The following ZNF551 variants were observed in gnomAD, a reference collection of about 807,000 sequenced individuals.
ZNF551 encodes KOX 23 protein (56 AA).
In ZNF551, 5 loss-of-function variants were observed where a neutral mutation model predicts 7.9. The observed-to-expected ratio is 0.63, with a 90% confidence interval of 0.33 to 1.33. The LOEUF (loss-of-function observed/expected upper bound fraction) is 1.33, where lower values mean the gene tolerates loss of function less well. Ranked by LOEUF, ZNF551 falls within the 40% of genes most tolerant of loss-of-function variation. The probability of loss-of-function intolerance (pLI) is 0.05; values close to 1 mark genes in which losing one functional copy is unlikely to be tolerated. For missense variants in ZNF551, 788 were observed against 825.2 expected (o/e 0.95, Z 0.55); for synonymous variants, 287 against 277.3 (o/e 1.03, Z -0.35).
At position 57,681,993 on chromosome 19, in the gene ZNF551, TCCTC is replaced by T; in HGVS notation, c.-170_-167del. On this transcript the variant is annotated 5_prime_UTR_variant, in exon 1 of 3. Coordinates refer to ENST00000282296, the MANE Select transcript of ZNF551 (RefSeq NM_138347.5). ...CGACGGGCCGGAACTTCCGGCGTCC[TCCTC>T]GTGGCGGTCATTTTGGCCTCTGTCC... 1 of 662,244 alleles carries T rather than the reference TCCTC, an allele frequency of 1.5e-6. No individual in the cohort carries two copies. Among genetic ancestry groups the T allele is most frequent in the Non-Finnish European group, 2.5e-6 (1 of 401,304 alleles). 41.0% of individuals were successfully genotyped at this position (662,244 alleles called of 1,614,324 possible).
Position 57,682,021 on chromosome 19 carries a change from C to T in ZNF551, c.-143C>T. The T allele has an allele frequency of 1.2e-6, 1 of 865,196 alleles. No individual in the cohort carries two copies. The highest frequency in any genetic ancestry group is 1.8e-6 in the Non-Finnish European group (1 of 567,704). 53.6% of individuals were successfully genotyped at this position (865,196 alleles called of 1,614,324 possible). On this transcript the variant is annotated 5_prime_UTR_variant, in exon 1 of 3. Coordinates refer to ENST00000282296, the MANE Select transcript of ZNF551 (RefSeq NM_138347.5). Reference sequence around the variant, plus strand: ...TCGTGGCGGTCATTTTGGCCTCTGTCCTGTTTGTCCAGCCCGCCAGTTTCT... The same window carrying T: ...TCGTGGCGGTCATTTTGGCCTCTGTTCTGTTTGTCCAGCCCGCCAGTTTCT...
rs1984553594 is a variant in ZNF551, at chr19:57,686,402, GTC to G, written c.206-76_206-75del. 2.6e-6 allele frequency: 4 copies of G among 1,550,630 alleles called. No homozygotes were observed. In the South Asian group the frequency reaches 4.9e-5, roughly 19 times the overall value. ...ACAGTTCCATGCACTCAGTTCTTGTGTCTCACACATTTTTGTGATACATCTTT... is the reference window on the plus strand; with the variant it reads ...ACAGTTCCATGCACTCAGTTCTTGTGTCACACATTTTTGTGATACATCTTT... On this transcript the variant is annotated intron_variant, in intron 2 of 2. Coordinates refer to ENST00000282296, the MANE Select transcript of ZNF551 (RefSeq NM_138347.5).
Position 57,688,725 on chromosome 19 carries a change from G to T in ZNF551, c.*437G>T. 6.0e-6 allele frequency: 1 copy of T among 166,370 alleles called. No homozygotes were observed. Among genetic ancestry groups the T allele is most frequent in the Admixed American group, 5.7e-5 (1 of 17,670 alleles). 10.3% of individuals were successfully genotyped at this position (166,370 alleles called of 1,614,324 possible). ...TGAGTTGTGCTGTCAGCTTTCTAAG[G>T]ATTACTTTTTTAAGGAACATTGTCG... is the stretch of plus-strand genomic sequence containing the variant. On this transcript the variant is annotated 3_prime_UTR_variant, in exon 3 of 3. Transcript: ENST00000282296.
rs770034180 is a variant in ZNF551 at position 57,686,999 on chromosome 19, CAG to C, written c.727_728del (p.Ser243CysfsTer4). 5.6e-6 allele frequency: 9 copies of C among 1,614,210 alleles called. No individual in the cohort carries two copies. The highest frequency in any genetic ancestry group is 7.6e-6 in the Non-Finnish European group (9 of 1,180,040). ...SSHKHTLVQHQSVCSEGGLYE... is the reference protein window; with the variant it reads ...SSHKHTLVQHXSVCSEGGLYE... ...CCACAAACACACACTTGTTCAGCAT[CAG>C]AGTGTCTGTTCTGAAGGAGGGCTTT... On this transcript the variant is annotated frameshift_variant, in exon 3 of 3. Coordinates refer to ENST00000282296, the MANE Select transcript of ZNF551 (RefSeq NM_138347.5). LOFTEE classifies it low-confidence loss of function (END_TRUNC).
chr19:57,682,487 C>T lies in ZNF551; in HGVS notation c.81+243C>T, dbSNP rs1262967201. 4.6e-5 allele frequency among the ~76,000 whole-genome samples: 7 copies of T among 152,244 alleles called. No individual in the cohort carries two copies. In the South Asian group the frequency reaches 1.0e-3, roughly 23 times the overall value. On this transcript the variant is annotated intron_variant, in intron 1 of 2. Coordinates refer to ENST00000282296, the MANE Select transcript of ZNF551 (RefSeq NM_138347.5). ...GGATTCAGGAGCCTGGGGTCCGTCT[C>T]GGGTCTGCAGGAACATAGAGTGAGG...
Position 57,688,483 on chromosome 19 carries a change from C to A in ZNF551, c.*195C>A. The A allele has an allele frequency of 1.3e-6, 1 of 742,068 alleles. No individual in the cohort carries two copies. The highest frequency in any genetic ancestry group is 2.1e-6 in the Non-Finnish European group (1 of 473,786). The allele number at this position is 742,068 out of a possible 1,614,324, so 46.0% of individuals were successfully genotyped here. On this transcript the variant is annotated 3_prime_UTR_variant, in exon 3 of 3. Transcript: ENST00000282296. ...GCCTATAGCCTGATTTATGTCACTG[C>A]CAATTTCTGAGGCTGAAGCCATTTC...
At chr19:57,684,897 G>A (rs144654001) in intron 1 of ZNF551, among the ~76,000 whole-genome samples, 1 of 152,304 alleles carries the variant, frequency 6.6e-6, no homozygotes, top group East Asian at 1.9e-4. Flanking sequence ...GTAAGCCCGT[G>A]TTAGTTGTGT....
Position 57,687,975 on chromosome 19 carries a change from C to CT in ZNF551, c.1704dup (p.Ser569Ter). ...TATGAATGTAGTGAATGTGGAAAGT[C>CT]TTTTAGCCAAAGTGCTAGCCTCATT... On this transcript the variant is annotated frameshift_variant, in exon 3 of 3. Transcript: ENST00000282296. LOFTEE classifies it low-confidence loss of function (END_TRUNC). 6.2e-7 allele frequency: 1 copy of CT among 1,614,144 alleles called. No homozygotes were observed. Among genetic ancestry groups the CT allele is most frequent in the Non-Finnish European group, 8.5e-7 (1 of 1,180,040 alleles).
chr19:57,688,476 G>A lies in ZNF551; in HGVS notation c.*188G>A, dbSNP rs1376818304. ...TGCCGAGGCCTATAGCCTGATTTATGTCACTGCCAATTTCTGAGGCTGAAG... is the reference window on the plus strand; with the variant it reads ...TGCCGAGGCCTATAGCCTGATTTATATCACTGCCAATTTCTGAGGCTGAAG... On this transcript the variant is annotated 3_prime_UTR_variant, in exon 3 of 3. Transcript: ENST00000282296. 2.6e-6 allele frequency: 2 copies of A among 773,966 alleles called. No individual in the cohort carries two copies. The highest frequency in any genetic ancestry group is 2.0e-6 in the Non-Finnish European group (1 of 501,976). 47.9% of individuals were successfully genotyped at this position (773,966 alleles called of 1,614,324 possible). A position where few individuals can be genotyped will look rare whatever the true frequency, so the allele number is the denominator to read the frequency against.
rs1669783884 is a variant in ZNF551, at chr19:57,688,649, T to C, written c.*361T>C. On this transcript the variant is annotated 3_prime_UTR_variant, in exon 3 of 3. Coordinates refer to ENST00000282296, the MANE Select transcript of ZNF551 (RefSeq NM_138347.5). Reference sequence around the variant, plus strand: ...CCCAAGCATGTAGGGTCTTCATGTCTTTTCTCTGACTTTAGAGTATACACC... The same window carrying C: ...CCCAAGCATGTAGGGTCTTCATGTCCTTTCTCTGACTTTAGAGTATACACC... 1 of 219,926 alleles carries C rather than the reference T, an allele frequency of 4.5e-6. No individual in the cohort carries two copies. Among genetic ancestry groups the C allele is most frequent in the Admixed American group, 5.1e-5 (1 of 19,800 alleles). 13.6% of individuals were successfully genotyped at this position (219,926 alleles called of 1,614,324 possible). A position where few individuals can be genotyped will look rare whatever the true frequency, so the allele number is the denominator to read the frequency against.
intron 1 of ZNF551, among the ~76,000 whole-genome samples, chr19:57,683,757 A>G (rs1358328106): frequency 6.6e-6 from 1 of 152,208 alleles, no homozygotes; most frequent in Admixed American, 6.5e-5. Flanking sequence ...AGGGTCGTAC[A>G]GAGATTATGA....
In ZNF551 at chr19:57,687,793, T is replaced by C; in HGVS notation, c.1518T>C (p.Ser506=). 2 of 1,614,134 alleles carry C rather than the reference T, an allele frequency of 1.2e-6. No individual in the cohort carries two copies. The highest frequency in any genetic ancestry group is 2.7e-5 in the African/African-American group (2 of 75,010). The change falls in exon 3 of 3, where the codon AGT becomes AGC. Residue 506 remains serine, a synonymous_variant. Transcript: ENST00000282296. ...VHTGERPYEC[S]ECGKSFTRKS... ...CTGGAGAAAGACCTTATGAATGCAG[T>C]GAATGTGGAAAATCCTTTACCCGCA...
At position 57,685,514 on chromosome 19, in the gene ZNF551, G is replaced by A. The variant is rs1984528005; in HGVS notation, c.205+129G>A. The A allele has an allele frequency of 2.8e-6, 4 of 1,435,980 alleles. No homozygotes were observed. The African/African-American group carries it at 4.2e-5, about 15-fold the overall frequency. 89.0% of individuals were successfully genotyped at this position (1,435,980 alleles called of 1,614,324 possible). A position where few individuals can be genotyped will look rare whatever the true frequency, so the allele number is the denominator to read the frequency against. On this transcript the variant is annotated intron_variant, in intron 2 of 2. Coordinates refer to ENST00000282296, the MANE Select transcript of ZNF551 (RefSeq NM_138347.5). ...GTCTTCCCCCTGTCAGGATGACTGT[G>A]TACAGATTCATGGTACCTTGTGGCC...
At chr19:57,682,302 A>G (rs1984410801) in intron 1 of ZNF551, 58 bp downstream of exon 1, 2 of 1,514,410 alleles carry the variant, frequency 1.3e-6, no homozygotes, top group South Asian at 1.2e-5. Context: ...CTTAAGGCCC[A>G]GTGAGGGATG....
In ZNF551 at chr19:57,687,191, C is replaced by A. The variant is rs1335661893; in HGVS notation, c.916C>A (p.Pro306Thr). Residue 306 changes from proline (P) to threonine (T), a missense_variant, in exon 3 of 3, where the codon CCT becomes ACT. By Grantham distance (38) the Pro-to-Thr change is conservative (BLOSUM62 -1). Coordinates refer to ENST00000282296, the MANE Select transcript of ZNF551 (RefSeq NM_138347.5). ...LHKIIHTGER[P>T]YECSDREKAF... Reference sequence around the variant, plus strand: ...CAAGATAATTCACACTGGAGAAAGGCCTTATGAATGCAGTGATCGTGAGAA... The same window carrying A: ...CAAGATAATTCACACTGGAGAAAGGACTTATGAATGCAGTGATCGTGAGAA... The A allele has an allele frequency of 2.5e-6, 4 of 1,614,212 alleles. No homozygotes were observed. The highest frequency in any genetic ancestry group is 3.4e-6 in the Non-Finnish European group (4 of 1,180,046).
intron 1 of ZNF551, among the ~76,000 whole-genome samples, chr19:57,683,037 G>A (rs12162232): frequency 0.34 from 51,917 of 152,078 alleles, 9,185 homozygotes; most frequent in Non-Finnish European, 0.39. Flanking sequence ...GTCAGACCCG[G>A]AATGGTTCCC....
chr19:57,690,332 TA>T lies in ZNF551; in HGVS notation c.*2047del, dbSNP rs1984720956. 1 of 152,006 alleles carries T rather than the reference TA, an allele frequency of 6.6e-6. No individual in the cohort carries two copies. The highest frequency in any genetic ancestry group is 2.1e-4 in the South Asian group (1 of 4,822). The allele number at this position is 152,006 out of a possible 1,614,324, so 9.4% of individuals were successfully genotyped here. ...CAGGTTCAACTGATTTCCTTTACAG[TA>T]AATTAGTTTGCATTTTCTGGAGTTT... On this transcript the variant is annotated 3_prime_UTR_variant, in exon 3 of 3. Transcript: ENST00000282296.
chr19:57,688,209 G>T lies in ZNF551; in HGVS notation c.1934G>T (p.Cys645Phe). The change falls in exon 3 of 3, where the codon TGC (cysteine) becomes TTC (phenylalanine). Residue 645 changes from cysteine to phenylalanine, a missense_variant. By Grantham distance (205) the Cys-to-Phe change is radical. Transcript: ENST00000282296. ...RVHTGERPYE[C>F]SECGKSFSRK... is the part of the protein sequence containing the mutation. ...CACACTGGAGAAAGGCCTTATGAAT[G>T]CAGTGAATGTGGGAAATCCTTTAGC... 2 of 1,614,262 alleles carry T rather than the reference G, an allele frequency of 1.2e-6. No individual in the cohort carries two copies. The highest frequency in any genetic ancestry group is 1.6e-4 in the Middle Eastern group (1 of 6,062).
intron 1 of ZNF551, among the ~76,000 whole-genome samples, chr19:57,684,937 G>C (rs1448083900): frequency 6.6e-6 from 1 of 152,184 alleles, no homozygotes; most frequent in Non-Finnish European, 1.5e-5. Context: ...GGACTTCACG[G>C]GTATTGCCTG....
Sources: allele counts gnomAD v4.1 joint callset (sites outside exome capture counted in the v4.1 genomes callset), GRCh38; gene constraint gnomAD v4.1.1; transcripts MANE v1.5; gene names NCBI Gene and HGNC (gene_info 2026-07-23, HGNC 2026-07-21).